The following TEPSIN variants were observed in gnomAD, a reference collection of about 807,000 sequenced individuals.
TEPSIN encodes TEPSIN adaptor related protein complex 4 accessory protein.
TEPSIN carries 50 observed loss-of-function variants against 48.5 expected under a neutral mutation model. The observed-to-expected ratio is 1.03, with a 90% CI of 0.82 to 1.31. The LOEUF (loss-of-function observed/expected upper bound fraction) is 1.31, where lower values mean the gene tolerates loss of function less well. Among genes scored for constraint, TEPSIN ranks in the 50% most tolerant of loss-of-function variants. The probability of loss-of-function intolerance (pLI) is 0.00; values close to 1 mark genes in which losing one functional copy is unlikely to be tolerated. For missense variants in TEPSIN, 838 were observed against 815.9 expected (o/e 1.03, Z -0.33); for synonymous variants, 392 against 358.8 (o/e 1.09, Z -1.05).
At position 81,233,947 on chromosome 17, in the gene TEPSIN, G is replaced by A. The variant is rs751986678; in HGVS notation, c.375+34C>T. 12 of 1,580,112 alleles carry A rather than the reference G, an allele frequency of 7.6e-6. No homozygotes were observed. The highest frequency in any genetic ancestry group is 1.0e-5 in the Non-Finnish European group (12 of 1,168,598). ...ATCCCACCCCTCTACAGGAGGAGGG[G>A]CACCCCGCAGAGCGACACTGCTCCT... On this transcript the variant is annotated intron_variant, in intron 5 of 12. Coordinates refer to ENST00000637944, the MANE Select transcript of TEPSIN (RefSeq NM_001363764.2). This position sits in a 1 kb window ranked among gnomAD's most constrained non-coding sequence, Gnocchi z 5.8.
At position 81,230,765 on chromosome 17, in the gene TEPSIN, T is replaced by C; in HGVS notation, c.1099-87A>G. ...TATTTGGCCATCTCTCTCCCTCTTCTTCCTCCTCATCAATGACTGGAGTGC... is the reference window on the plus strand; with the variant it reads ...TATTTGGCCATCTCTCTCCCTCTTCCTCCTCCTCATCAATGACTGGAGTGC... On this transcript the variant is annotated intron_variant, in intron 11 of 12. Coordinates refer to ENST00000637944, the MANE Select transcript of TEPSIN (RefSeq NM_001363764.2). This position sits in a 1 kb window ranked among gnomAD's most constrained non-coding sequence, Gnocchi z 4.2. The C allele has an allele frequency of 7.0e-7, 1 of 1,425,300 alleles. No individual in the cohort carries two copies. The highest frequency in any genetic ancestry group is 9.2e-7 in the Non-Finnish European group (1 of 1,083,508). 88.3% of individuals were successfully genotyped at this position (1,425,300 alleles called of 1,614,324 possible).
chr17:81,234,297 G>C lies in TEPSIN; in HGVS notation c.308-249C>G. ...CAGCAACCACCTCGTCTCCCCCAGGGTCGGCAACCCCTGGTGCCTGAGCGG... is the reference window on the plus strand; with the variant it reads ...CAGCAACCACCTCGTCTCCCCCAGGCTCGGCAACCCCTGGTGCCTGAGCGG... On this transcript the variant is annotated intron_variant, in intron 4 of 12. Coordinates refer to ENST00000637944, the MANE Select transcript of TEPSIN (RefSeq NM_001363764.2). The surrounding 1 kb of genome is among the most constrained non-coding windows in gnomAD (Gnocchi z 5.4). 2.6e-6 allele frequency: 1 copy of C among 386,462 alleles called. No individual in the cohort carries two copies. The highest frequency in any genetic ancestry group is 4.6e-6 in the Non-Finnish European group (1 of 217,304). The allele number at this position is 386,462 out of a possible 1,614,324, so 23.9% of individuals were successfully genotyped here.
intron 4 of TEPSIN, among the ~76,000 whole-genome samples, chr17:81,235,276 A>G (rs1939145713): frequency 6.6e-6 from 1 of 152,204 alleles, no homozygotes; most frequent in Admixed American, 6.5e-5. Flanking sequence ...ATCTGTCTGT[A>G]ACTGCCAGCT....
At position 81,234,308 on chromosome 17, in the gene TEPSIN, C is replaced by A. The variant is rs2062682835; in HGVS notation, c.308-260G>T. 1.3e-5 allele frequency: 5 copies of A among 372,156 alleles called. No homozygotes were observed. In the South Asian group the frequency reaches 4.3e-4, roughly 32 times the overall value. The allele number at this position is 372,156 out of a possible 1,614,324, so 23.1% of individuals were successfully genotyped here. A position where few individuals can be genotyped will look rare whatever the true frequency, so the allele number is the denominator to read the frequency against. On this transcript the variant is annotated intron_variant, in intron 4 of 12. Coordinates refer to ENST00000637944, the MANE Select transcript of TEPSIN (RefSeq NM_001363764.2). The surrounding 1 kb of genome is among the most constrained non-coding windows in gnomAD (Gnocchi z 5.4). ...TCGTCTCCCCCAGGGTCGGCAACCC[C>A]TGGTGCCTGAGCGGGTGTGGCCTCC... is the stretch of plus-strand genomic sequence containing the variant.
Position 81,233,757 on chromosome 17 carries a change from G to A in TEPSIN, c.376-41C>T. 7 of 1,548,090 alleles carry A rather than the reference G, an allele frequency of 4.5e-6. No homozygotes were observed. The highest frequency in any genetic ancestry group is 6.1e-6 in the Non-Finnish European group (7 of 1,145,322). Reference sequence around the variant, plus strand: ...AAGGCCCTCAGTGTCCTCACACCAGGGCCTGCTGTACTCACCCTGCCACCC... The same window carrying A: ...AAGGCCCTCAGTGTCCTCACACCAGAGCCTGCTGTACTCACCCTGCCACCC... On this transcript the variant is annotated intron_variant, in intron 5 of 12. Transcript: ENST00000637944. The surrounding 1 kb of genome is among the most constrained non-coding windows in gnomAD (Gnocchi z 5.8).
rs1426253497 is a variant in TEPSIN, at chr17:81,234,635, CG to C, written c.308-588del. Among the ~76,000 whole-genome samples, 2 of 152,068 alleles carry C rather than the reference CG, an allele frequency of 1.3e-5. No homozygotes were observed. The highest frequency in any genetic ancestry group is 4.8e-5 in the African/African-American group (2 of 41,406). The stretch of plus-strand genomic sequence containing the variant: ...ACCCCTCGAGAGCCTCTGTCACAGG[CG>C]AATCCACTCACGCCCCTCGGCCGTC... On this transcript the variant is annotated intron_variant, in intron 4 of 12. Coordinates refer to ENST00000637944, the MANE Select transcript of TEPSIN (RefSeq NM_001363764.2). The surrounding 1 kb of genome is among the most constrained non-coding windows in gnomAD (Gnocchi z 5.4).
At chr17:81,232,644 A>T (rs2146835303) in intron 7 of TEPSIN, 126 bp from the exon 8 acceptor site, 2 of 877,996 alleles carry the variant, frequency 2.3e-6, no homozygotes, top group East Asian at 5.5e-5. Flanking sequence ...TGCTGCAGGT[A>T]GGGAGGCCTC....
rs373714996 is a variant in TEPSIN at position 81,231,545 on chromosome 17, G to A, written c.1019+33C>T. ...TCCTCCCTCGCCCACGGTTGGGGCT[G>A]AGGCAGAGCAGGGCGGGTCCGGGCG... On this transcript the variant is annotated intron_variant, in intron 10 of 12. Coordinates refer to ENST00000637944, the MANE Select transcript of TEPSIN (RefSeq NM_001363764.2). 1.1e-5 allele frequency: 18 copies of A among 1,601,176 alleles called. 1 individual carries two copies. The South Asian group carries it at 1.6e-4, about 14-fold the overall frequency.
In TEPSIN at chr17:81,233,836, A is replaced by G. The variant is rs1467175898; in HGVS notation, c.376-120T>C. Reference sequence around the variant, plus strand: ...CTTCTCCTGAGCCACTCAGCTGGACACAGGCTCTGTGTCCACCAGCAAGGA... The same window carrying G: ...CTTCTCCTGAGCCACTCAGCTGGACGCAGGCTCTGTGTCCACCAGCAAGGA... On this transcript the variant is annotated intron_variant, in intron 5 of 12. Coordinates refer to ENST00000637944, the MANE Select transcript of TEPSIN (RefSeq NM_001363764.2). This position sits in a 1 kb window ranked among gnomAD's most constrained non-coding sequence, Gnocchi z 5.8. The G allele has an allele frequency of 2.2e-6, 3 of 1,371,378 alleles. No homozygotes were observed. The highest frequency in any genetic ancestry group is 2.6e-5 in the Admixed American group (1 of 38,674). The allele number at this position is 1,371,378 out of a possible 1,614,324, so 85.0% of individuals were successfully genotyped here.
In TEPSIN at chr17:81,231,128, T is replaced by TACAC. The variant is rs148556282; in HGVS notation, c.1098+266_1098+269dup. The TACAC allele has an allele frequency of 4.2e-3, 2,302 of 549,678 alleles. 42 individuals carry two copies. Among genetic ancestry groups the TACAC allele is most frequent in the African/African-American group, 0.04 (2,092 of 52,308 alleles). 34.1% of individuals were successfully genotyped at this position (549,678 alleles called of 1,614,324 possible). On this transcript the variant is annotated intron_variant, in intron 11 of 12. Coordinates refer to ENST00000637944, the MANE Select transcript of TEPSIN (RefSeq NM_001363764.2). ...ACACAACCACACACATGCAGTCATG[T>TACAC]ACACACACACACAGATGTGTGCATA...
At position 81,231,893 on chromosome 17, in the gene TEPSIN, C is replaced by A. The variant is rs552888913; in HGVS notation, c.859G>T (p.Asp287Tyr). The A allele has an allele frequency of 6.2e-7, 1 of 1,613,622 alleles. No homozygotes were observed. The highest frequency in any genetic ancestry group is 1.1e-5 in the South Asian group (1 of 91,074). The part of the protein sequence containing the change: ...VSDSGSHSGS[D>Y]SHSGASREPG... ...TCCCGGCTGGCCCCTGAATGGCTGT[C>A]GCTGCCGGAATGACTGCCCGAGTCC... is the stretch of plus-strand genomic sequence containing the variant. Residue 287 changes from aspartate to tyrosine, a missense_variant, in exon 9 of 13, where the codon GAC (aspartate) becomes TAC (tyrosine). Coordinates refer to ENST00000637944, the MANE Select transcript of TEPSIN (RefSeq NM_001363764.2).
chr17:81,228,640 T>G lies in TEPSIN; in HGVS notation c.*288A>C. ...AGGAACCTGGTAGTCGCTTCCGCATTCATACAAGAAACCTCATGTCTGAGA... is the reference window on the plus strand; with the variant it reads ...AGGAACCTGGTAGTCGCTTCCGCATGCATACAAGAAACCTCATGTCTGAGA... On this transcript the variant is annotated 3_prime_UTR_variant, in exon 13 of 13. Transcript: ENST00000637944. 2.0e-6 allele frequency: 1 copy of G among 498,678 alleles called. No homozygotes were observed. The allele number at this position is 498,678 out of a possible 1,614,324, so 30.9% of individuals were successfully genotyped here. A position where few individuals can be genotyped will look rare whatever the true frequency, so the allele number is the denominator to read the frequency against.
rs1864515674 is a variant in TEPSIN at position 81,228,595 on chromosome 17, G to A, written c.*333C>T. 5.3e-6 allele frequency: 2 copies of A among 373,942 alleles called. No individual in the cohort carries two copies. Among genetic ancestry groups the A allele is most frequent in the South Asian group, 5.4e-5 (2 of 36,782 alleles). 23.2% of individuals were successfully genotyped at this position (373,942 alleles called of 1,614,324 possible). A position where few individuals can be genotyped will look rare whatever the true frequency, so the allele number is the denominator to read the frequency against. ...TCATGACCTCCTGGGGAAGGAGGGA[G>A]CTGAGATCAAAATGAAATAAGGAAC... On this transcript the variant is annotated 3_prime_UTR_variant, in exon 13 of 13. Transcript: ENST00000637944.
Position 81,228,293 on chromosome 17 carries a change from T to G in TEPSIN, c.*635A>C, listed in dbSNP as rs1016449696. 4 of 152,798 alleles carry G rather than the reference T, an allele frequency of 2.6e-5. No individual in the cohort carries two copies. The highest frequency in any genetic ancestry group is 9.6e-5 in the African/African-American group (4 of 41,474). 9.5% of individuals were successfully genotyped at this position (152,798 alleles called of 1,614,324 possible). A position where few individuals can be genotyped will look rare whatever the true frequency, so the allele number is the denominator to read the frequency against. ...CGGCCCAGGTTCATGTAAACAGTAG[T>G]GTTTATTCAGAAAGCATAAACCCCA... is the stretch of plus-strand genomic sequence containing the variant. On this transcript the variant is annotated 3_prime_UTR_variant, in exon 13 of 13. Transcript: ENST00000637944.
At chr17:81,238,729 C>T in intron 1 of TEPSIN, 1 of 1,253,458 alleles carries the variant, frequency 8.0e-7, no homozygotes, top group Non-Finnish European at 1.0e-6. Flanking sequence ...TGGCCGAGGC[C>T]TGTTCGTTCC....
At position 81,236,689 on chromosome 17, in the gene TEPSIN, G is replaced by T. The variant is rs544565531; in HGVS notation, c.307+19C>A. 10 of 1,551,078 alleles carry T rather than the reference G, an allele frequency of 6.4e-6. No homozygotes were observed. Among genetic ancestry groups the T allele is most frequent in the Admixed American group, 3.9e-5 (2 of 51,142 alleles). The stretch of plus-strand genomic sequence containing the variant: ...TCCAAAGCCCTGGCTCTTCCTGAGC[G>T]CGTGCGCGGCCCCTGTACCTGCAGC... On this transcript the variant is annotated intron_variant, in intron 4 of 12. Coordinates refer to ENST00000637944, the MANE Select transcript of TEPSIN (RefSeq NM_001363764.2).
At position 81,239,042 on chromosome 17, in the gene TEPSIN, T is replaced by TC; in HGVS notation, c.-10dup. On this transcript the variant is annotated 5_prime_UTR_variant, in exon 1 of 13. Coordinates refer to ENST00000637944, the MANE Select transcript of TEPSIN (RefSeq NM_001363764.2). ...GGCGGCGCGGCAGCCATGATCCAGG[T>TC]CCCCTCCCGGTCTGCCCCGCTTCCG... 1.3e-6 allele frequency: 2 copies of TC among 1,490,950 alleles called. No individual in the cohort carries two copies. The highest frequency in any genetic ancestry group is 2.5e-5 in the South Asian group (2 of 78,630). 92.4% of individuals were successfully genotyped at this position (1,490,950 alleles called of 1,614,324 possible).
intron 1 of TEPSIN, chr17:81,238,214 C>T: frequency 1.0e-6 from 1 of 980,462 alleles, no homozygotes; most frequent in South Asian, 4.7e-5. Context: ...GCTGTGGACA[C>T]GCATCACTGA....
chr17:81,229,246 T>TTG lies in TEPSIN; in HGVS notation c.1463_1464insCA (p.Asp489LysfsTer104). On this transcript the variant is annotated frameshift_variant, in exon 13 of 13. Coordinates refer to ENST00000637944, the MANE Select transcript of TEPSIN (RefSeq NM_001363764.2). LOFTEE classifies it low-confidence loss of function (END_TRUNC). Reference sequence around the variant, plus strand: ...CGGGGGCTGGAATGGGGGAGGCATCTGGGGGTGGGGTGGGCACAGGGCTGG... The same window carrying TTG: ...CGGGGGCTGGAATGGGGGAGGCATCTTGGGGGGTGGGGTGGGCACAGGGCTGG... 3.1e-6 allele frequency: 1 copy of TTG among 324,478 alleles called. No individual in the cohort carries two copies. 20.1% of individuals were successfully genotyped at this position (324,478 alleles called of 1,614,324 possible). A position where few individuals can be genotyped will look rare whatever the true frequency, so the allele number is the denominator to read the frequency against.
Sources: gnomAD v4.1 joint callset for allele counts (sites outside exome capture counted in the v4.1 genomes callset) on GRCh38, gnomAD v4.1.1 for gene constraint, Gnocchi (gnomAD v3.1) non-coding constraint, MANE v1.5 for transcripts, NCBI Gene and HGNC (gene_info 2026-07-23, HGNC 2026-07-21) for gene names.